The following ATP6V1C1 variants were observed in gnomAD, a reference collection of about 807,000 sequenced individuals.
The protein encoded by ATP6V1C1 is V-type proton ATPase subunit C 1.
In ATP6V1C1, 45 loss-of-function variants were observed where a neutral mutation model predicts 53.9. The observed-to-expected ratio is 0.83, with a 90% CI of 0.66 to 1.07. The LOEUF (loss-of-function observed/expected upper bound fraction) is 1.07. ATP6V1C1 is among the 50% of genes least tolerant of loss of function. The probability of loss-of-function intolerance (pLI) is 0.00; values close to 1 mark genes in which losing one functional copy is unlikely to be tolerated. For synonymous variants in ATP6V1C1, 153 were observed against 155.2 expected (o/e 0.99, Z 0.11); for missense variants, 315 against 440.3 (o/e 0.72, Z 2.55).
intron 3 of ATP6V1C1, among the ~76,000 whole-genome samples, chr8:103,047,906 T>G (rs567603617): frequency 6.6e-6 from 1 of 152,368 alleles, no homozygotes; most frequent in South Asian, 2.1e-4. Context: ...GTCTGCAACC[T>G]GGCAATCTCA....
At chr8:103,068,623 A>C in intron 12 of ATP6V1C1, 29 bp from the exon 13 acceptor site, 1 of 1,514,046 alleles carries the variant, frequency 6.6e-7, no homozygotes, top group Non-Finnish European at 9.0e-7. Flanking sequence ...GTAAATACAA[A>C]ATTGAATAAT....
At chr8:103,027,847 C>T (rs1305425229) in intron 1 of ATP6V1C1, among the ~76,000 whole-genome samples, 2 of 152,042 alleles carry the variant, frequency 1.3e-5, no homozygotes, top group African/African-American at 4.8e-5. Flanking sequence ...TCCCACCCTC[C>T]CTGCACACAC....
chr8:103,047,438 A>AGTG (rs1817122216), intron 3 of ATP6V1C1, among the ~76,000 whole-genome samples: 3 of 118,466 alleles, frequency 2.5e-5, no homozygotes, highest in African/African-American at 8.4e-5. Flanking sequence ...GCGCACACAC[A>AGTG]CACACACACA....
At chr8:103,068,104 C>A (rs1373399767) in intron 12 of ATP6V1C1, among the ~76,000 whole-genome samples, 6 of 152,162 alleles carry the variant, frequency 3.9e-5, no homozygotes, top group African/African-American at 1.4e-4. Context: ...CTCAGCCTTC[C>A]AAGTAGTTGG....
Position 103,068,863 on chromosome 8 carries a change from T to C in ATP6V1C1, c.*116T>C. The C allele has an allele frequency of 3.1e-6, 2 of 648,864 alleles. No individual in the cohort carries two copies. The highest frequency in any genetic ancestry group is 6.5e-5 in the East Asian group (2 of 30,920). 40.2% of individuals were successfully genotyped at this position (648,864 alleles called of 1,614,324 possible). ...TCCTTTGCTTGCTTCTTACGCCCTT[T>C]CCTAGGTGAATTCTCCCACAGTGGT... On this transcript the variant is annotated 3_prime_UTR_variant, in exon 13 of 13. Coordinates refer to ENST00000518738, the MANE Select transcript of ATP6V1C1 (RefSeq NM_001695.5).
At chr8:103,060,074 T>G (rs1055668442) in intron 8 of ATP6V1C1, among the ~76,000 whole-genome samples, 1 of 150,836 alleles carries the variant, frequency 6.6e-6, no homozygotes, top group African/African-American at 2.4e-5. Flanking sequence ...TTCAAGTGAG[T>G]CTCCTTCCCC....
chr8:103,027,755 A>G (rs1512353), intron 1 of ATP6V1C1, among the ~76,000 whole-genome samples: 1 of 151,210 alleles, frequency 6.6e-6, no homozygotes, highest in East Asian at 1.9e-4. Context: ...AGAAGTGCCT[A>G]CAGAATTGAC....
intron 3 of ATP6V1C1, among the ~76,000 whole-genome samples, chr8:103,047,139 C>A (rs1817111226): frequency 6.6e-6 from 1 of 152,120 alleles, no homozygotes; most frequent in Non-Finnish European, 1.5e-5. Flanking sequence ...GGACTTACAT[C>A]ATTATTTCTG....
chr8:103,028,344 T>C (rs570802911), intron 1 of ATP6V1C1, among the ~76,000 whole-genome samples: 1 of 152,256 alleles, frequency 6.6e-6, no homozygotes, highest in South Asian at 2.1e-4. Flanking sequence ...GGGATGCTAG[T>C]AGTGATGACA....
Position 103,070,595 on chromosome 8 carries a change from G to A in ATP6V1C1, c.*1848G>A, listed in dbSNP as rs1279142548. ...GGGGGGCATGTTTTGACATTAAATT[G>A]ACTTTTAAGAAAAACATGTCACTAA... On this transcript the variant is annotated 3_prime_UTR_variant, in exon 13 of 13. Transcript: ENST00000518738. The A allele has an allele frequency of 6.6e-6, 1 of 152,156 alleles. No homozygotes were observed. The highest frequency in any genetic ancestry group is 1.5e-5 in the Non-Finnish European group (1 of 68,012). The allele number at this position is 152,156 out of a possible 1,614,324, so 9.4% of individuals were successfully genotyped here. A position where few individuals can be genotyped will look rare whatever the true frequency, so the allele number is the denominator to read the frequency against.
At chr8:103,022,706 C>T (rs1216453163) in intron 1 of ATP6V1C1, among the ~76,000 whole-genome samples, 1 of 151,920 alleles carries the variant, frequency 6.6e-6, no homozygotes, top group Non-Finnish European at 1.5e-5. Flanking sequence ...TGACTTTTGA[C>T]CTGAGATCTG....
At chr8:103,041,798 G>T (rs1267931260) in intron 2 of ATP6V1C1, among the ~76,000 whole-genome samples, 1 of 152,142 alleles carries the variant, frequency 6.6e-6, no homozygotes, top group African/African-American at 2.4e-5. Flanking sequence ...CTTGAATCTA[G>T]GAGGTGGAGG....
At chr8:103,046,812 A>G (rs1037046854) in intron 3 of ATP6V1C1, among the ~76,000 whole-genome samples, 1 of 152,230 alleles carries the variant, frequency 6.6e-6, no homozygotes, top group African/African-American at 2.4e-5. Context: ...TTAAAAATGT[A>G]ATCATTAGAG....
chr8:103,054,451 A>T (rs191329474), intron 7 of ATP6V1C1, among the ~76,000 whole-genome samples: 2 of 152,102 alleles, frequency 1.3e-5, no homozygotes, highest in African/African-American at 4.8e-5. Flanking sequence ...AAACAATGTG[A>T]TCTTTGTCAC....
chr8:103,062,328 G>A (rs144750798), intron 8 of ATP6V1C1, among the ~76,000 whole-genome samples: 214 of 151,694 alleles, frequency 1.4e-3, no homozygotes, highest in Non-Finnish European at 2.7e-3. Flanking sequence ...GCACCATCAC[G>A]CCTGGCTAGT....
chr8:103,062,295 C>T (rs991926272), intron 8 of ATP6V1C1, among the ~76,000 whole-genome samples: 9 of 151,158 alleles, frequency 6.0e-5, no homozygotes, highest in African/African-American at 2.2e-4. Context: ...CTCAGCCTCC[C>T]GAGTAGCTAG....
chr8:103,044,544 A>G (rs1370152943), intron 3 of ATP6V1C1, among the ~76,000 whole-genome samples: 1 of 152,186 alleles, frequency 6.6e-6, no homozygotes, highest in East Asian at 1.9e-4. Flanking sequence ...GAACATAAAT[A>G]TGAGGGTTTA....
At chr8:103,043,345 C>T (rs1237962647) in intron 3 of ATP6V1C1, among the ~76,000 whole-genome samples, 2 of 151,718 alleles carry the variant, frequency 1.3e-5, no homozygotes, top group Admixed American at 6.6e-5. Flanking sequence ...TTTTTTGAGA[C>T]GGAGTCTCGC....
intron 1 of ATP6V1C1, among the ~76,000 whole-genome samples, chr8:103,021,944 A>G (rs1308476619): frequency 6.6e-6 from 1 of 152,124 alleles, no homozygotes; most frequent in Non-Finnish European, 1.5e-5. Flanking sequence ...GTTAGGGAAA[A>G]ATCACATGCT....
Sources: gnomAD v4.1 joint callset for allele counts (sites outside exome capture counted in the v4.1 genomes callset) on GRCh38, gnomAD v4.1.1 for gene constraint, MANE v1.5 for transcripts, NCBI Gene and HGNC (gene_info 2026-07-23, HGNC 2026-07-21) for gene names.